The following ANKS1B variants were observed in gnomAD, a reference collection of about 807,000 sequenced individuals.
The protein encoded by ANKS1B is ankyrin repeat and sterile alpha motif domain-containing protein 1B.
A neutral mutation model predicts 148.3 loss-of-function variants in ANKS1B; 36 were observed. The ratio of observed to expected loss-of-function variants is 0.24; its 90% CI spans 0.19 to 0.32. ANKS1B has a LOEUF of 0.32. ANKS1B is among the 10% of genes least tolerant of loss of function. The pLI, the probability that ANKS1B is intolerant of heterozygous loss-of-function variation, is 1.00. For missense variants in ANKS1B, 1,157 were observed against 1,542.6 expected, an observed-to-expected ratio of 0.75 and a Z score of 4.19; for synonymous variants, 542 against 560.8, an observed-to-expected ratio of 0.97 and a Z score of 0.47.
intron 1 of ANKS1B, among the ~76,000 whole-genome samples, chr12:99,902,101 T>G (rs754163904): frequency 1.3e-5 from 2 of 151,704 alleles, no homozygotes; most frequent in African/African-American, 2.4e-5. Context: ...ATAAAAGAAA[T>G]AAATAATGGG....
chr12:99,451,830 G>A (rs1228040759), intron 10 of ANKS1B, among the ~76,000 whole-genome samples: 1 of 150,980 alleles, frequency 6.6e-6, no homozygotes, highest in Non-Finnish European at 1.5e-5. Flanking sequence ...TGAATACATT[G>A]CCTGACACAT....
At chr12:98,929,769 CAT>C (rs1251679845) in intron 17 of ANKS1B, among the ~76,000 whole-genome samples, 1 of 151,998 alleles carries the variant, frequency 6.6e-6, no homozygotes, top group Non-Finnish European at 1.5e-5. Flanking sequence ...TACCAGCTCA[CAT>C]GATTCACAAA....
chr12:99,443,992 C>A (rs1337377060), intron 10 of ANKS1B, among the ~76,000 whole-genome samples, 183 bp from the exon 11 acceptor site: 2 of 151,826 alleles, frequency 1.3e-5, no homozygotes, highest in Non-Finnish European at 2.9e-5. Flanking sequence ...TGCTTTGTTT[C>A]CTTCTAAAAT....
At chr12:98,781,512 G>A in intron 23 of ANKS1B, 1 of 486,002 alleles carries the variant, frequency 2.1e-6, no homozygotes, top group South Asian at 1.7e-5. Context: ...ACACTAAAGG[G>A]TGAATGAAGA....
At chr12:98,997,681 G>A (rs1056424399) in intron 17 of ANKS1B, among the ~76,000 whole-genome samples, 6 of 152,138 alleles carry the variant, frequency 3.9e-5, no homozygotes, top group Admixed American at 1.3e-4. Flanking sequence ...ATGAGCCACC[G>A]CGCCTGGCCC....
At chr12:99,940,716 T>G (rs548170264) in intron 1 of ANKS1B, among the ~76,000 whole-genome samples, 1 of 152,248 alleles carries the variant, frequency 6.6e-6, no homozygotes, top group East Asian at 1.9e-4. Context: ...CACTAACAAT[T>G]TAAATGCCTT....
At chr12:99,879,963 T>C (rs1412624844) in intron 1 of ANKS1B, among the ~76,000 whole-genome samples, 1 of 152,198 alleles carries the variant, frequency 6.6e-6, no homozygotes, top group Non-Finnish European at 1.5e-5. Context: ...TCTGGTAATA[T>C]GACGTAGCAG....
chr12:98,779,651 C>G (rs1345782139), intron 24 of ANKS1B, among the ~76,000 whole-genome samples: 1 of 152,180 alleles, frequency 6.6e-6, no homozygotes, highest in Non-Finnish European at 1.5e-5. Context: ...ACAGCAATAG[C>G]AATGGTATCT....
Position 99,605,808 on chromosome 12 carries a change from A to AT in ANKS1B, c.1272+49258dup, listed in dbSNP as rs533965877. Among the ~76,000 whole-genome samples, 10 of 152,134 alleles carry AT rather than the reference A, an allele frequency of 6.6e-5. No individual in the cohort carries two copies. In the South Asian group the frequency reaches 1.9e-3, roughly 29 times the overall value. ...CTATAATAAGCACAAGTGTGCAGTT[A>AT]TTTTTTTGACACACTGACTTCATTT... On this transcript the variant is annotated intron_variant, in intron 9 of 26. Coordinates refer to ENST00000683438, the MANE Select transcript of ANKS1B (RefSeq NM_001352186.2).
Position 99,088,245 on chromosome 12 carries a change from A to T in ANKS1B, c.2527-3222T>A, listed in dbSNP as rs370125072. On this transcript the variant is annotated intron_variant, in intron 15 of 26. Coordinates refer to ENST00000683438, the MANE Select transcript of ANKS1B (RefSeq NM_001352186.2). ...GATGCCAAAAATATCCTAGTACATC[A>T]TTCAGCCAGCCTTTTGTCCAAACAC... Among the ~76,000 whole-genome samples, 55 of 151,646 alleles carry T rather than the reference A, an allele frequency of 3.6e-4. No individual in the cohort carries two copies. In the South Asian group the frequency reaches 0.011, roughly 30 times the overall value.
chr12:99,798,405 G>T (rs1406174603), intron 4 of ANKS1B, among the ~76,000 whole-genome samples: 1 of 145,190 alleles, frequency 6.9e-6, no homozygotes, highest in Admixed American at 7.1e-5. Flanking sequence ...ACTTAGCCAC[G>T]TGGGCACCTC....
rs1247858313 is a variant in ANKS1B at position 99,406,745 on chromosome 12, A to G, written c.1576-6934T>C. Among the ~76,000 whole-genome samples the G allele has an allele frequency of 3.4e-5, 5 of 145,722 alleles. 1 individual carries two copies. Among genetic ancestry groups the G allele is most frequent in the Non-Finnish European group, 6.1e-5 (4 of 65,880 alleles). On this transcript the variant is annotated intron_variant, in intron 11 of 26. Transcript: ENST00000683438. The stretch of plus-strand genomic sequence containing the variant: ...TAAAATAAAAAGTTGGTTTTTTGAA[A>G]AGATAAAATTGACAAACCTTTAGCC...
chr12:98,997,682 C>A (rs554375853), intron 17 of ANKS1B, among the ~76,000 whole-genome samples: 5 of 152,134 alleles, frequency 3.3e-5, no homozygotes, highest in Non-Finnish European at 7.3e-5. Flanking sequence ...TGAGCCACCG[C>A]GCCTGGCCCA....
chr12:99,826,272 G>T (rs539233846), intron 1 of ANKS1B, among the ~76,000 whole-genome samples: 4 of 152,246 alleles, frequency 2.6e-5, no homozygotes, highest in African/African-American at 9.6e-5. Flanking sequence ...AGAACATAGT[G>T]TAATGGAAAA....
intron 11 of ANKS1B, among the ~76,000 whole-genome samples, 161 bp downstream of exon 11, chr12:99,443,512 T>C (rs1485944593): frequency 2.0e-5 from 3 of 151,992 alleles, no homozygotes; most frequent in Non-Finnish European, 4.4e-5. Context: ...ATCACCAACT[T>C]GAAAGGAAGC....
rs1858380 is a variant in ANKS1B at position 99,521,733 on chromosome 12, G to A, written c.1273-17092C>T. ...GTCAGTGTCTCTCTCTCAATCTCTC[G>A]CTCTCTCTCTCTCTCTGCTGAGCCA... On this transcript the variant is annotated intron_variant, in intron 9 of 26. Coordinates refer to ENST00000683438, the MANE Select transcript of ANKS1B (RefSeq NM_001352186.2). 8.2e-3 allele frequency among the ~76,000 whole-genome samples: 1,191 copies of A among 145,966 alleles called. 10 individuals carry two copies. Among genetic ancestry groups the A allele is most frequent in the African/African-American group, 0.03 (1,109 of 37,240 alleles).
chr12:99,205,522 T>C (rs2082557096), intron 14 of ANKS1B, among the ~76,000 whole-genome samples: 2 of 152,206 alleles, frequency 1.3e-5, no homozygotes, highest in Admixed American at 6.5e-5. Context: ...CCAAGACCTC[T>C]TGGGGAACGC....
chr12:99,045,968 A>G (rs376100987), intron 17 of ANKS1B, among the ~76,000 whole-genome samples: 25 of 152,338 alleles, frequency 1.6e-4, no homozygotes, highest in African/African-American at 5.8e-4. Context: ...CAGTACATGC[A>G]TGTGAGGAAA....
At chr12:99,538,923 A>G (rs1451356190) in intron 9 of ANKS1B, among the ~76,000 whole-genome samples, 1 of 152,128 alleles carries the variant, frequency 6.6e-6, no homozygotes, top group African/African-American at 2.4e-5. Flanking sequence ...TTCTATTCTC[A>G]GTTTTTGAGG....
Sources: gnomAD v4.1 joint callset for allele counts (sites outside exome capture counted in the v4.1 genomes callset) on GRCh38, gnomAD v4.1.1 for gene constraint, MANE v1.5 for transcripts, NCBI Gene and HGNC (gene_info 2026-07-23, HGNC 2026-07-21) for gene names.